The following SNX29 variants were observed in gnomAD, a reference collection of about 807,000 sequenced individuals.
The protein encoded by SNX29 is sorting nexin-29.
A neutral mutation model predicts 102.1 loss-of-function variants in SNX29; 78 were observed. The observed-to-expected ratio is 0.76, with a 90% CI of 0.64 to 0.92. The LOEUF (loss-of-function observed/expected upper bound fraction) is 0.92. SNX29 is among the 40% of genes least tolerant of loss of function. The pLI, the probability that SNX29 is intolerant of heterozygous loss-of-function variation, is 0.00. For synonymous variants in SNX29, 580 were observed against 414.5 expected (o/e 1.40, Z -4.85); for missense variants, 1,280 against 1,061.7 (o/e 1.21, Z -2.86).
intron 2 of SNX29, among the ~76,000 whole-genome samples, chr16:12,001,845 CCT>C (rs1181176456): frequency 4.0e-5 from 6 of 151,812 alleles, no homozygotes; most frequent in Admixed American, 6.6e-5. Flanking sequence ...TAGTGAGACC[CCT>C]GTCTCTACAA....
At chr16:12,189,112 C>T (rs192906550) in intron 13 of SNX29, among the ~76,000 whole-genome samples, 8 of 152,278 alleles carry the variant, frequency 5.3e-5, no homozygotes, top group Admixed American at 2.0e-4. Context: ...TGGGAATCTG[C>T]TTTTTACTTT....
intron 18 of SNX29, among the ~76,000 whole-genome samples, chr16:12,453,519 T>C (rs2086399469): frequency 6.6e-6 from 1 of 152,034 alleles, no homozygotes; most frequent in Non-Finnish European, 1.5e-5. Context: ...GTGGCTGTCA[T>C]GGAGTCCAGC....
rs1360439421 is a variant in SNX29 at position 12,380,459 on chromosome 16, TCCACCCACCATCCATCCAC to T, written c.1900-17966_1900-17948del. 1.2e-4 allele frequency among the ~76,000 whole-genome samples: 6 copies of T among 49,636 alleles called. 1 individual carries two copies. The highest frequency in any genetic ancestry group is 2.4e-4 in the Non-Finnish European group (5 of 20,744). The allele number at this position is 49,636 out of a possible 152,430, so 32.6% of individuals were successfully genotyped here. ...CTAGCTACCTACCACCCACCATCCA[TCCACCCACCATCCATCCAC>T]CCACCCACCATCCATCCACCTATCC... On this transcript the variant is annotated intron_variant, in intron 16 of 20. Transcript: ENST00000566228.
rs575444497 is a variant in SNX29 at position 12,569,110 on chromosome 16, T to A, written c.*481T>A. 2.3e-5 allele frequency: 1 copy of A among 43,352 alleles called. No individual in the cohort carries two copies. Among genetic ancestry groups the A allele is most frequent in the Non-Finnish European group, 4.3e-5 (1 of 23,280 alleles). 2.7% of individuals were successfully genotyped at this position (43,352 alleles called of 1,614,324 possible). On this transcript the variant is annotated 3_prime_UTR_variant, in exon 21 of 21. Coordinates refer to ENST00000566228, the MANE Select transcript of SNX29 (RefSeq NM_032167.5). ...GTTATTACCTGGCCTAACCTAGGGA[T>A]GGCTGGCTTTGCGGGGGGGGGGGGG...
rs528426980 is a variant in SNX29, at chr16:11,990,669, A to G, written c.8-8628A>G. On this transcript the variant is annotated intron_variant, in intron 1 of 20. Coordinates refer to ENST00000566228, the MANE Select transcript of SNX29 (RefSeq NM_032167.5). ...TGCCCGCCAGTGTAACTGAGAATGA[A>G]TTCTGCAGTGACAACAGGTTGATGA... Among the ~76,000 whole-genome samples, 3 of 152,250 alleles carry G rather than the reference A, an allele frequency of 2.0e-5. No homozygotes were observed. The South Asian group carries it at 6.2e-4, about 32-fold the overall frequency.
At chr16:12,431,950 T>A (rs758121662) in intron 18 of SNX29, among the ~76,000 whole-genome samples, 3 of 152,254 alleles carry the variant, frequency 2.0e-5, no homozygotes, top group Non-Finnish European at 2.9e-5. Flanking sequence ...GCAGGCCTCT[T>A]CTGTGCCCTG....
chr16:12,272,451 C>T (rs977590791), intron 14 of SNX29, among the ~76,000 whole-genome samples: 2 of 152,258 alleles, frequency 1.3e-5, no homozygotes, highest in African/African-American at 4.8e-5. Flanking sequence ...CCAGGCTCTG[C>T]TGAGCAGCTG....
intron 15 of SNX29, among the ~76,000 whole-genome samples, chr16:12,304,106 C>T (rs547314436): frequency 6.6e-6 from 1 of 152,210 alleles, no homozygotes; most frequent in South Asian, 2.1e-4. Flanking sequence ...TTTTCCCAGG[C>T]CTAAGTAGCA....
At chr16:12,196,096 C>T (rs1422318614) in intron 13 of SNX29, among the ~76,000 whole-genome samples, 1 of 151,604 alleles carries the variant, frequency 6.6e-6, no homozygotes, top group East Asian at 1.9e-4. Flanking sequence ...CCACCTCAGC[C>T]TCCCAAGTAG....
chr16:12,355,483 T>G (rs1429689405), intron 15 of SNX29, among the ~76,000 whole-genome samples: 1 of 152,190 alleles, frequency 6.6e-6, no homozygotes, highest in Non-Finnish European at 1.5e-5. Flanking sequence ...GGGGTCTAGA[T>G]AAGGATCTGC....
At chr16:11,976,911 C>A in intron 1 of SNX29, 98 bp downstream of exon 1, 1 of 1,276,908 alleles carries the variant, frequency 7.8e-7, no homozygotes, top group Non-Finnish European at 9.9e-7. Context: ...GCCCCGCTCC[C>A]TCGCAGACCC....
intron 16 of SNX29, among the ~76,000 whole-genome samples, chr16:12,384,152 G>C (rs1343716579): frequency 1.3e-5 from 2 of 152,156 alleles, no homozygotes; most frequent in African/African-American, 2.4e-5. Context: ...TCCAAATCTT[G>C]GTTGTTGCAA....
At chr16:12,439,267 G>GCA (rs5815688) in intron 18 of SNX29, among the ~76,000 whole-genome samples, 93,394 of 151,820 alleles carry the variant, frequency 0.62, 28,825 homozygotes, top group South Asian at 0.79. Context: ...ACCATGACCT[G>GCA]GTGACAAGAT....
Position 12,277,947 on chromosome 16 carries a change from A to G in SNX29, c.1693A>G (p.Ser565Gly). The change falls in exon 15 of 21, where the codon AGT becomes GGT. Residue 565 changes from serine (S) to glycine (G), a missense_variant. By Grantham distance (56) the Ser-to-Gly change is moderately conservative. Coordinates refer to ENST00000566228, the MANE Select transcript of SNX29 (RefSeq NM_032167.5). ...GQTAEVPNLW[S>G]VDGEVTVAEQ... ...TTTCTCTAAAGTGCCAAATCTTTGGAGTGTTGATGGAGAAGTTACAGTAGC... is the reference window on the plus strand; with the variant it reads ...TTTCTCTAAAGTGCCAAATCTTTGGGGTGTTGATGGAGAAGTTACAGTAGC... 1.2e-6 allele frequency: 2 copies of G among 1,607,716 alleles called. No individual in the cohort carries two copies. The highest frequency in any genetic ancestry group is 1.7e-6 in the Non-Finnish European group (2 of 1,176,994).
chr16:12,419,110 C>A (rs1460603765), intron 18 of SNX29, among the ~76,000 whole-genome samples: 2 of 152,158 alleles, frequency 1.3e-5, no homozygotes, highest in Non-Finnish European at 2.9e-5. Context: ...CGTTGAGAAA[C>A]CCTTGTCTCT....
At chr16:12,017,683 G>T (rs2056891137) in intron 3 of SNX29, among the ~76,000 whole-genome samples, 1 of 151,386 alleles carries the variant, frequency 6.6e-6, no homozygotes, top group African/African-American at 2.4e-5. Flanking sequence ...ATTTTTCTTT[G>T]ATCTTGACCC....
intron 20 of SNX29, among the ~76,000 whole-genome samples, chr16:12,559,164 C>A (rs553556343): frequency 7.2e-4 from 109 of 152,228 alleles, no homozygotes; most frequent in African/African-American, 2.2e-3. Context: ...CAGTACCAGT[C>A]CATAGCCTGT....
chr16:11,981,943 G>A (rs1438451520), intron 1 of SNX29, among the ~76,000 whole-genome samples: 4 of 151,928 alleles, frequency 2.6e-5, no homozygotes, highest in South Asian at 2.1e-4. Flanking sequence ...GATTGCTCAC[G>A]CCTGTAATCT....
At chr16:11,986,468 A>G (rs115248441) in intron 1 of SNX29, among the ~76,000 whole-genome samples, 78 of 152,188 alleles carry the variant, frequency 5.1e-4, no homozygotes, top group African/African-American at 1.8e-3. Flanking sequence ...GGCACATTTA[A>G]TATTTAAATT....
Sources: gnomAD v4.1 joint callset for allele counts (sites outside exome capture counted in the v4.1 genomes callset) on GRCh38, gnomAD v4.1.1 for gene constraint, MANE v1.5 for transcripts, NCBI Gene and HGNC (gene_info 2026-07-23, HGNC 2026-07-21) for gene names.